Variants in RBM47 observed in about 807,000 individuals in gnomAD.
RBM47 encodes RNA binding motif protein 47, also known as RNA-binding protein 47.
RBM47 carries 21 observed loss-of-function variants against 47.1 expected under a neutral mutation model. The observed-to-expected ratio is 0.45, with a 90% CI of 0.32 to 0.64. The LOEUF is 0.64. Among genes scored for constraint, RBM47 ranks in the 30% least tolerant of loss-of-function variants. The pLI is 0.05. For missense variants in RBM47, 708 were observed against 870.9 expected (o/e 0.81, Z 2.35); for synonymous variants, 375 against 361.7 (o/e 1.04, Z -0.42).
At chr4:40,573,805 GAA>G (rs771104130) in intron 1 of RBM47, among the ~76,000 whole-genome samples, 3 of 46,622 alleles carry the variant, frequency 6.4e-5, no homozygotes, top group African/African-American at 7.7e-4. Context: ...GAGAAAGAAA[GAA>G]AAAGAAAGAA....
chr4:40,459,790 G>A (rs1334842268), intron 3 of RBM47, among the ~76,000 whole-genome samples: 16 of 151,992 alleles, frequency 1.1e-4, no homozygotes, highest in Admixed American at 1.0e-3. Context: ...GCTAAGGCTG[G>A]TGTGCAATAG....
chr4:40,469,969 T>C (rs1250883540), intron 2 of RBM47, among the ~76,000 whole-genome samples: 1 of 152,160 alleles, frequency 6.6e-6, no homozygotes, highest in African/African-American at 2.4e-5. Flanking sequence ...GCCATAAAAA[T>C]CTTCAAGCAA....
At chr4:40,589,248 G>A (rs891574805) in intron 1 of RBM47, among the ~76,000 whole-genome samples, 1 of 151,748 alleles carries the variant, frequency 6.6e-6, no homozygotes, top group Non-Finnish European at 1.5e-5. Context: ...GATTATAGGC[G>A]TGAGCCACAG....
chr4:40,488,563 A>G (rs1337849435), intron 2 of RBM47, among the ~76,000 whole-genome samples: 1 of 152,168 alleles, frequency 6.6e-6, no homozygotes, highest in African/African-American at 2.4e-5. Context: ...CTGAGAAAAG[A>G]GCTCATTTGG....
chr4:40,503,393 A>G (rs1012404765), intron 2 of RBM47, among the ~76,000 whole-genome samples: 3 of 152,116 alleles, frequency 2.0e-5, no homozygotes, highest in African/African-American at 7.2e-5. Context: ...CCTCTAAGGG[A>G]GGACAAGAGT....
intron 3 of RBM47, among the ~76,000 whole-genome samples, chr4:40,448,286 AGTGTGTGTGTTTGAGTGT>A (rs1018611108): frequency 2.7e-5 from 4 of 150,394 alleles, no homozygotes; most frequent in African/African-American, 9.8e-5. Context: ...TGTGAGTGTG[AGTGTGTGTGTTTGAGTGT>A]GTGTGTGTGT....
At chr4:40,571,748 G>A (rs115493953) in intron 1 of RBM47, among the ~76,000 whole-genome samples, 20,412 of 151,856 alleles carry the variant, frequency 0.13, 1,724 homozygotes, top group Admixed American at 0.19. Context: ...GGCTGGACAC[G>A]GTGGCTCACG....
chr4:40,462,496 G>T (rs1717313841), intron 3 of RBM47, among the ~76,000 whole-genome samples: 1 of 151,752 alleles, frequency 6.6e-6, no homozygotes, highest in Non-Finnish European at 1.5e-5. Flanking sequence ...ATCTACCCCT[G>T]CTGTTCTCTT....
At position 40,432,384 on chromosome 4, in the gene RBM47, T is replaced by C. The variant is rs149204266; in HGVS notation, c.1542+267A>G. On this transcript the variant is annotated intron_variant, in intron 6 of 6. Transcript: ENST00000295971. ...TCCAGTGCTATTTTAAAAAAATATA[T>C]GCACAATATTATGACACTGTGAAAA... 3.6e-3 allele frequency among the ~76,000 whole-genome samples: 541 copies of C among 152,284 alleles called. 7 individuals carry two copies. The highest frequency in any genetic ancestry group is 0.012 in the African/African-American group (516 of 41,560).
chr4:40,581,782 A>T (rs1352639136), intron 1 of RBM47, among the ~76,000 whole-genome samples: 1 of 151,970 alleles, frequency 6.6e-6, no homozygotes, highest in Non-Finnish European at 1.5e-5. Context: ...AAGAGGGAAA[A>T]GAAGTGAAAG....
chr4:40,433,678 G>A (rs1029914220), intron 5 of RBM47, among the ~76,000 whole-genome samples: 2 of 151,824 alleles, frequency 1.3e-5, no homozygotes, highest in Non-Finnish European at 1.5e-5. Flanking sequence ...TGCTGTTGAG[G>A]GTTTCATTCT....
At chr4:40,449,771 C>G (rs1337672823) in intron 3 of RBM47, among the ~76,000 whole-genome samples, 4 of 152,284 alleles carry the variant, frequency 2.6e-5, no homozygotes, top group East Asian at 3.9e-4. Flanking sequence ...CTCCACCGCC[C>G]GGGTTCAAGT....
At chr4:40,581,458 A>AAATAAAT (rs561500993) in intron 1 of RBM47, among the ~76,000 whole-genome samples, 2,529 of 149,598 alleles carry the variant, frequency 0.017, 77 homozygotes, top group African/African-American at 0.06. Flanking sequence ...ATAAATAAAT[A>AAATAAAT]AATAAATAAA....
intron 2 of RBM47, chr4:40,543,923 A>G (rs977081034): frequency 6.5e-4 from 99 of 152,292 alleles, no homozygotes; most frequent in African/African-American, 2.2e-3. Context: ...GAAAAAAAAA[A>G]AAAAAACATT....
intron 1 of RBM47, among the ~76,000 whole-genome samples, chr4:40,596,908 C>T (rs1168470254): frequency 7.9e-5 from 12 of 152,096 alleles, no homozygotes; most frequent in Admixed American, 7.9e-4. Flanking sequence ...TTTGTTGTAC[C>T]TTTCAGTAGG....
intron 5 of RBM47, among the ~76,000 whole-genome samples, chr4:40,434,002 G>GGGGGGGT (rs1213913858): frequency 2.2e-5 from 1 of 45,630 alleles, no homozygotes; most frequent in Non-Finnish European, 6.7e-5. Flanking sequence ...GTGGGGCGGG[G>GGGGGGGT]GTGTGTGTGT....
intron 3 of RBM47, among the ~76,000 whole-genome samples, chr4:40,448,544 A>T (rs1399289723): frequency 6.6e-6 from 1 of 152,162 alleles, no homozygotes; most frequent in African/African-American, 2.4e-5. Flanking sequence ...TGTCCTAATA[A>T]TCACGTCTTA....
intron 2 of RBM47, among the ~76,000 whole-genome samples, chr4:40,490,270 C>A (rs1577775944): frequency 6.6e-6 from 1 of 150,688 alleles, no homozygotes; most frequent in Admixed American, 6.6e-5. Context: ...TTGTTTCTAG[C>A]CAGGATAAAT....
At chr4:40,572,785 G>T (rs1312179490) in intron 1 of RBM47, among the ~76,000 whole-genome samples, 1 of 151,732 alleles carries the variant, frequency 6.6e-6, no homozygotes, top group Non-Finnish European at 1.5e-5. Flanking sequence ...TCAACATTAT[G>T]CATTCTTCAA....
Sources: allele counts gnomAD v4.1 joint callset (sites outside exome capture counted in the v4.1 genomes callset), GRCh38; gene constraint gnomAD v4.1.1; transcripts MANE v1.5; gene names NCBI Gene and HGNC (gene_info 2026-07-23, HGNC 2026-07-21).